The following DKK2 variants were observed in gnomAD, a reference collection of about 807,000 sequenced individuals.
DKK2 encodes the protein dickkopf-related protein 2.
Under a neutral mutation model 28.1 loss-of-function variants are expected in DKK2, and 11 were observed. The observed-to-expected ratio is 0.39, with a 90% CI of 0.25 to 0.65. DKK2 has a LOEUF of 0.65. DKK2 is among the 30% of genes least tolerant of loss of function. The pLI, the probability that DKK2 is intolerant of heterozygous loss-of-function variation, is 0.47. For synonymous variants in DKK2, 135 were observed against 126.5 expected (o/e 1.07, Z -0.45); for missense variants, 326 against 335.5 (o/e 0.97, Z 0.22).
intron 1 of DKK2, among the ~76,000 whole-genome samples, chr4:106,995,919 A>T (rs1481467104): frequency 6.6e-6 from 1 of 152,108 alleles, no homozygotes; most frequent in Non-Finnish European, 1.5e-5. Context: ...CCAGGACTCT[A>T]TGTATCTTTA....
Position 107,002,266 on chromosome 4 carries a change from AT to A in DKK2, c.222+33103del, listed in dbSNP as rs940375241. On this transcript the variant is annotated intron_variant, in intron 1 of 3. Coordinates refer to ENST00000285311, the MANE Select transcript of DKK2 (RefSeq NM_014421.3). ...GATAGGCAAACAAATTATTAAAATC[AT>A]TTAAGTCTACATTTTTGTATTATTG... Among the ~76,000 whole-genome samples the A allele has an allele frequency of 5.9e-5, 9 of 152,334 alleles. 1 individual carries two copies. Among genetic ancestry groups the A allele is most frequent in the Admixed American group, 5.9e-4 (9 of 15,306 alleles).
At chr4:106,932,701 G>C (rs765135885) in intron 1 of DKK2, among the ~76,000 whole-genome samples, 1 of 152,130 alleles carries the variant, frequency 6.6e-6, no homozygotes, top group African/African-American at 2.4e-5. Flanking sequence ...TAATTATAAA[G>C]TACTCTATAA....
At chr4:106,989,836 G>C (rs754104385) in intron 1 of DKK2, among the ~76,000 whole-genome samples, 1 of 152,154 alleles carries the variant, frequency 6.6e-6, no homozygotes, top group Admixed American at 6.6e-5. Context: ...TGAAAGCTTA[G>C]AGTGGGACTA....
chr4:107,023,599 A>C (rs944478787), intron 1 of DKK2, among the ~76,000 whole-genome samples: 1 of 152,134 alleles, frequency 6.6e-6, no homozygotes, highest in Non-Finnish European at 1.5e-5. Flanking sequence ...TATAGAATGC[A>C]CAACACAAAG....
intron 1 of DKK2, among the ~76,000 whole-genome samples, chr4:107,022,085 T>C (rs1403978175): frequency 2.0e-5 from 3 of 152,146 alleles, no homozygotes; most frequent in African/African-American, 4.8e-5. Context: ...AACTAAGAGA[T>C]ACAATAAAAA....
At chr4:107,005,457 T>A (rs192903277) in intron 1 of DKK2, among the ~76,000 whole-genome samples, 50 of 152,204 alleles carry the variant, frequency 3.3e-4, no homozygotes, top group Admixed American at 1.6e-3. Context: ...ATAATTTTTT[T>A]AAAAAAATGA....
chr4:107,031,281 T>C (rs34772763), intron 1 of DKK2, among the ~76,000 whole-genome samples: 2,189 of 152,042 alleles, frequency 0.014, 24 homozygotes, highest in Non-Finnish European at 0.024. Context: ...CAGGAGAAAG[T>C]TGGGCTGAGG....
At position 107,006,606 on chromosome 4, in the gene DKK2, T is replaced by G. The variant is rs142904569; in HGVS notation, c.222+28764A>C. The stretch of plus-strand genomic sequence containing the variant: ...AGTGTTAAATTCTATATGATTAATT[T>G]GATGGCTGAATTGAGTGCAGGTGGT... On this transcript the variant is annotated intron_variant, in intron 1 of 3. Coordinates refer to ENST00000285311, the MANE Select transcript of DKK2 (RefSeq NM_014421.3). 4.4e-3 allele frequency among the ~76,000 whole-genome samples: 666 copies of G among 152,324 alleles called. 7 individuals carry two copies. Among genetic ancestry groups the G allele is most frequent in the Non-Finnish European group, 4.2e-3 (285 of 68,024 alleles).
chr4:106,930,872 C>T (rs1724492719), intron 1 of DKK2, among the ~76,000 whole-genome samples: 1 of 152,156 alleles, frequency 6.6e-6, no homozygotes, highest in Non-Finnish European at 1.5e-5. Flanking sequence ...GAGAGCACAG[C>T]AGAAGATTGG....
intron 2 of DKK2, among the ~76,000 whole-genome samples, chr4:106,925,335 A>G (rs1393795541): frequency 1.3e-5 from 2 of 152,210 alleles, no homozygotes; most frequent in Admixed American, 1.3e-4. Context: ...TTGATATTGG[A>G]TGAAGCCAGG....
intron 1 of DKK2, among the ~76,000 whole-genome samples, chr4:106,960,829 G>A (rs931923461): frequency 6.6e-6 from 1 of 152,064 alleles, no homozygotes; most frequent in African/African-American, 2.4e-5. Flanking sequence ...TAACAATAAT[G>A]AGAAATTAAA....
intron 1 of DKK2, among the ~76,000 whole-genome samples, chr4:107,025,321 T>C (rs1723758243): frequency 1.3e-5 from 2 of 152,240 alleles, no homozygotes; most frequent in South Asian, 4.1e-4. Flanking sequence ...TGAATAATGA[T>C]TTACATTTAA....
chr4:106,964,319 G>A (rs764878817), intron 1 of DKK2, among the ~76,000 whole-genome samples: 1 of 152,104 alleles, frequency 6.6e-6, no homozygotes, highest in Non-Finnish European at 1.5e-5. Context: ...AACTCCTGGA[G>A]GTCGAAAGTA....
intron 1 of DKK2, among the ~76,000 whole-genome samples, chr4:107,031,415 C>A (rs1004529149): frequency 2.0e-5 from 3 of 151,982 alleles, no homozygotes; most frequent in African/African-American, 7.2e-5. Flanking sequence ...AGCACACTTT[C>A]ATTAAAGAAA....
chr4:106,986,086 C>T (rs569036091), intron 1 of DKK2, among the ~76,000 whole-genome samples: 1 of 152,274 alleles, frequency 6.6e-6, no homozygotes, highest in South Asian at 2.1e-4. Flanking sequence ...TTAATGCCCA[C>T]AGTGTGCTGC....
chr4:107,011,519 T>C (rs1051147272), intron 1 of DKK2, among the ~76,000 whole-genome samples: 2 of 151,658 alleles, frequency 1.3e-5, no homozygotes, highest in Admixed American at 1.3e-4. Context: ...GCTGAAGTAT[T>C]GCACAATTAT....
intron 1 of DKK2, among the ~76,000 whole-genome samples, chr4:106,941,420 C>T (rs1285159600): frequency 6.6e-6 from 1 of 152,144 alleles, no homozygotes; most frequent in Admixed American, 6.5e-5. Context: ...ATAATCAGTT[C>T]TTTTACTATC....
intron 1 of DKK2, among the ~76,000 whole-genome samples, chr4:107,014,841 A>G (rs1345010453): frequency 1.3e-5 from 2 of 151,596 alleles, no homozygotes; most frequent in African/African-American, 4.8e-5. Flanking sequence ...AAACACACAC[A>G]CACACAGTCT....
At chr4:107,028,847 T>C (rs1300959594) in intron 1 of DKK2, among the ~76,000 whole-genome samples, 2 of 152,230 alleles carry the variant, frequency 1.3e-5, no homozygotes, top group African/African-American at 2.4e-5. Context: ...TGTGCTTCTC[T>C]GTCACATAGC....
Sources: allele counts gnomAD v4.1 joint callset (sites outside exome capture counted in the v4.1 genomes callset), GRCh38; gene constraint gnomAD v4.1.1; transcripts MANE v1.5; gene names NCBI Gene and HGNC (gene_info 2026-07-23, HGNC 2026-07-21).